PREX1: variants seen among roughly 807,000 people sequenced by gnomAD.
PREX1 encodes the protein phosphatidylinositol-3,4,5-trisphosphate dependent Rac exchange factor 1, also known as phosphatidylinositol 3,4,5-trisphosphate-dependent Rac exchanger 1 protein.
In PREX1, 41 loss-of-function variants were observed where a neutral mutation model predicts 198.3. The observed-to-expected ratio is 0.21, with a 90% confidence interval of 0.16 to 0.27. The LOEUF (loss-of-function observed/expected upper bound fraction) is 0.27. Among genes scored for constraint, PREX1 ranks in the 10% least tolerant of loss-of-function variants. The pLI is 1.00. For missense variants in PREX1, 1,620 were observed against 2,200.7 expected (o/e 0.74, Z 5.28); for synonymous variants, 843 against 887.2 (o/e 0.95, Z 0.89).
rs2089368893 is a variant in PREX1, at chr20:48,636,773, C to T, written c.3947-90G>A. On this transcript the variant is annotated intron_variant, in intron 31 of 39. Coordinates refer to ENST00000371941, the MANE Select transcript of PREX1 (RefSeq NM_020820.4). ...CCAAAACCCTGGGTCCAGGACCCCTCATGGAACCCCCAGCAAAGGGCTAAC... is the reference window on the plus strand; with the variant it reads ...CCAAAACCCTGGGTCCAGGACCCCTTATGGAACCCCCAGCAAAGGGCTAAC... 3.5e-6 allele frequency: 4 copies of T among 1,140,638 alleles called. No individual in the cohort carries two copies. In the Admixed American group the frequency reaches 8.0e-5, roughly 23 times the overall value. The allele number at this position is 1,140,638 out of a possible 1,614,324, so 70.7% of individuals were successfully genotyped here. A position where few individuals can be genotyped will look rare whatever the true frequency, so the allele number is the denominator to read the frequency against.
At chr20:48,697,924 C>T (rs2089855405) in intron 7 of PREX1, among the ~76,000 whole-genome samples, 1 of 152,184 alleles carries the variant, frequency 6.6e-6, no homozygotes, top group African/African-American at 2.4e-5. Context: ...ATGGGTGGTG[C>T]CCTGCATGAC....
At chr20:48,693,231 A>G (rs894513959) in intron 7 of PREX1, among the ~76,000 whole-genome samples, 2 of 140,262 alleles carry the variant, frequency 1.4e-5, no homozygotes, top group Non-Finnish European at 3.1e-5. Context: ...TCCATCATCC[A>G]CCTTCCCAGG....
At chr20:48,833,809 C>T in the PREX1 span, among the ~76,000 whole-genome samples, 1 of 152,086 alleles carries the variant, frequency 6.6e-6, no homozygotes, top group East Asian at 1.9e-4. Context: ...GCCAGCCGGG[C>T]GCGGTGGCTC....
Position 48,636,508 on chromosome 20 carries a change from C to T in PREX1, c.4122G>A (p.Thr1374=), listed in dbSNP as rs759999393. The part of the protein sequence containing the change: ...SRKWLEQVAA[T]GVLLHCQSLL... Reference sequence around the variant, plus strand: ...GGGACTGGCAGTGCAGCAGGACGCCCGTGGCCGCCACCTGCTCCAGCCACT... The same window carrying T: ...GGGACTGGCAGTGCAGCAGGACGCCTGTGGCCGCCACCTGCTCCAGCCACT... Residue 1374 remains threonine, a synonymous_variant, in exon 32 of 40, where the codon ACG becomes ACA. Transcript: ENST00000371941. The T allele has an allele frequency of 1.4e-5, 22 of 1,609,712 alleles. No homozygotes were observed. The highest frequency in any genetic ancestry group is 6.7e-5 in the African/African-American group (5 of 74,916).
In PREX1 at chr20:48,663,083, G is replaced by C. The variant is rs191640793; in HGVS notation, c.1739-3022C>G. ...AAAATGCCCTCAGCTGTCCAGACTG[G>C]CCCTTACCTGCCCACCTCAGCTGGG... is the stretch of plus-strand genomic sequence containing the variant. On this transcript the variant is annotated intron_variant, in intron 15 of 39. Transcript: ENST00000371941. Among the ~76,000 whole-genome samples the C allele has an allele frequency of 2.7e-3, 417 of 152,286 alleles. 1 individual carries two copies. Among genetic ancestry groups the C allele is most frequent in the African/African-American group, 9.3e-3 (388 of 41,546 alleles).
chr20:48,664,164 G>A (rs1283945220), intron 15 of PREX1, among the ~76,000 whole-genome samples: 1 of 152,196 alleles, frequency 6.6e-6, no homozygotes, highest in East Asian at 1.9e-4. Flanking sequence ...CACGAGGTCA[G>A]GAGATCAAGA....
At chr20:48,818,716 G>A (rs1219576308) in intron 1 of PREX1, among the ~76,000 whole-genome samples, 2 of 152,244 alleles carry the variant, frequency 1.3e-5, no homozygotes, top group African/African-American at 2.4e-5. Flanking sequence ...TATGCATGGA[G>A]GGTGGAGTAC....
At chr20:48,835,960 A>G in the PREX1 span, among the ~76,000 whole-genome samples, 1 of 152,192 alleles carries the variant, frequency 6.6e-6, no homozygotes, top group Non-Finnish European at 1.5e-5. Flanking sequence ...TTGATTCTGG[A>G]TATGCTCTAA....
chr20:48,630,189 C>T (rs914563064), intron 36 of PREX1, among the ~76,000 whole-genome samples: 1 of 152,278 alleles, frequency 6.6e-6, no homozygotes, highest in African/African-American at 2.4e-5. Flanking sequence ...CCTAGAAAAC[C>T]AGGAGGCCAA....
rs141887028 is a variant in PREX1 at position 48,745,130 on chromosome 20, G to A, written c.309C>T (p.Ile103=). ...EENVKVLFSN[I]EDILEVHKDF... ...CCTTATGAACTTCCAGGATGTCTTC[G>A]ATGTTCGAGAACAGGACCTGTGAGG... is the stretch of plus-strand genomic sequence containing the variant. The change falls in exon 3 of 40, where the codon ATC becomes ATT. Residue 103 remains isoleucine (I), a synonymous_variant. Transcript: ENST00000371941. The A allele has an allele frequency of 2.2e-5, 35 of 1,613,876 alleles. No individual in the cohort carries two copies. Among genetic ancestry groups the A allele is most frequent in the Non-Finnish European group, 2.8e-5 (33 of 1,179,916 alleles).
intron 1 of PREX1, among the ~76,000 whole-genome samples, chr20:48,820,509 C>A (rs1211346637): frequency 6.6e-6 from 1 of 152,188 alleles, no homozygotes; most frequent in Non-Finnish European, 1.5e-5. Flanking sequence ...AAAGGGCAAA[C>A]CGTATTATGC....
At chr20:48,822,298 G>A (rs2090489561) in intron 1 of PREX1, among the ~76,000 whole-genome samples, 1 of 152,234 alleles carries the variant, frequency 6.6e-6, no homozygotes, top group Admixed American at 6.5e-5. Context: ...CACAGGGGCA[G>A]TAATTTTGCT....
chr20:48,765,053 C>G (rs2090202350), intron 1 of PREX1, among the ~76,000 whole-genome samples: 1 of 152,186 alleles, frequency 6.6e-6, no homozygotes, highest in Admixed American at 6.5e-5. Flanking sequence ...GATAATAAAT[C>G]TGTGCTGTTT....
chr20:48,743,976 G>A (rs1311190089), intron 3 of PREX1, among the ~76,000 whole-genome samples: 4 of 151,118 alleles, frequency 2.6e-5, no homozygotes, highest in African/African-American at 7.3e-5. Context: ...GTGATCCCTT[G>A]GAGAAGTGAG....
At chr20:48,796,673 C>T (rs917378637) in intron 1 of PREX1, among the ~76,000 whole-genome samples, 4 of 150,154 alleles carry the variant, frequency 2.7e-5, no homozygotes, top group Admixed American at 6.6e-5. Flanking sequence ...TTATATGTGT[C>T]GTACATCATA....
At chr20:48,775,649 T>C (rs899521105) in intron 1 of PREX1, among the ~76,000 whole-genome samples, 1 of 152,052 alleles carries the variant, frequency 6.6e-6, no homozygotes, top group Non-Finnish European at 1.5e-5. Flanking sequence ...GGTAATTAAA[T>C]GGGGGCAGGT....
chr20:48,862,578 C>T, the PREX1 span, among the ~76,000 whole-genome samples: 1 of 151,768 alleles, frequency 6.6e-6, no homozygotes, highest in Non-Finnish European at 1.5e-5. Flanking sequence ...AAGCCACTTC[C>T]CCTCTCCAGG....
Position 48,653,380 on chromosome 20 carries a change from C to T in PREX1, c.2327G>A (p.Ser776Asn), listed in dbSNP as rs773046371. 8 of 1,613,780 alleles carry T rather than the reference C, an allele frequency of 5.0e-6. No individual in the cohort carries two copies. Among genetic ancestry groups the T allele is most frequent in the Non-Finnish European group, 5.9e-6 (7 of 1,179,784 alleles). The change falls in exon 20 of 40, where the codon AGT becomes AAT. Residue 776 changes from serine to asparagine, a missense_variant. Ser to Asn is a conservative substitution (Grantham distance 46). Around this residue, in one of 7 missense-constraint regions of PREX1, gnomAD observed 514 missense variants for 611.6 expected, o/e 0.84. Coordinates refer to ENST00000371941, the MANE Select transcript of PREX1 (RefSeq NM_020820.4). ...EVLEHFQAFR[S>N]RREEALGLYQ... ...ACTTACCAGGGCCTCTTCGCGCCGA[C>T]TCCGGAATGCCTGGAAGTGCTCCAG...
At chr20:48,811,650 G>A (rs2090436831) in intron 1 of PREX1, among the ~76,000 whole-genome samples, 1 of 150,050 alleles carries the variant, frequency 6.7e-6, no homozygotes, top group African/African-American at 2.5e-5. Flanking sequence ...ACACGTACGT[G>A]TGCATGCACA....
Sources: gnomAD v4.1 joint callset for allele counts (sites outside exome capture counted in the v4.1 genomes callset) on GRCh38, gnomAD v4.1.1 for gene constraint, gnomAD v4.1.1 regional missense constraint, MANE v1.5 for transcripts, NCBI Gene and HGNC (gene_info 2026-07-23, HGNC 2026-07-21) for gene names.